The following ARHGEF4 variants were observed in gnomAD, a reference collection of about 807,000 sequenced individuals.
ARHGEF4 encodes the protein APC-stimulated guanine nucleotide exchange factor 1.
ARHGEF4 carries 119 observed loss-of-function variants against 162.0 expected under a neutral mutation model. That is an observed-to-expected ratio of 0.73 (90% confidence interval 0.63 to 0.86). ARHGEF4 has a LOEUF of 0.86. ARHGEF4 is among the 40% of genes least tolerant of loss of function. The pLI is 0.00. For synonymous variants in ARHGEF4, 1,014 were observed against 979.9 expected (o/e 1.03, Z -0.65); for missense variants, 2,488 against 2,456.0 (o/e 1.01, Z -0.28).
chr2:130,916,356 AGGCCCTT>A lies in ARHGEF4; in HGVS notation c.2415_2421del (p.Ala807ArgfsTer115). The A allele has an allele frequency of 6.5e-7, 1 of 1,542,434 alleles. No homozygotes were observed. Among genetic ancestry groups the A allele is most frequent in the South Asian group, 1.2e-5 (1 of 83,716 alleles). The stretch of plus-strand genomic sequence containing the variant: ...CAAGGTGACCTCCTTCAGGAAGGGC[AGGCCCTT>A]GGCCACTGAGAGCCCAGGAGGGGTC... On this transcript the variant is annotated frameshift_variant, in exon 2 of 14. Coordinates refer to ENST00000409359, the MANE Select transcript of ARHGEF4 (RefSeq NM_001367493.1). LOFTEE classifies it high-confidence loss of function.
At position 131,044,739 on chromosome 2, in the gene ARHGEF4, G is replaced by A. The variant is rs192979843; in HGVS notation, c.5401+197G>A. ...ACCTCAATGGCAGGGTTACCTGACC[G>A]CATCCCATGATACAGTTTCGCAGAG... is the stretch of plus-strand genomic sequence containing the variant. On this transcript the variant is annotated intron_variant, in intron 12 of 13. Coordinates refer to ENST00000409359, the MANE Select transcript of ARHGEF4 (RefSeq NM_001367493.1). 1.3e-3 allele frequency among the ~76,000 whole-genome samples: 191 copies of A among 152,380 alleles called. 1 individual carries two copies. The highest frequency in any genetic ancestry group is 4.1e-3 in the African/African-American group (171 of 41,596).
chr2:130,878,726 A>G (rs919900466), intron 1 of ARHGEF4, among the ~76,000 whole-genome samples: 2 of 152,190 alleles, frequency 1.3e-5, no homozygotes, highest in Non-Finnish European at 1.5e-5. Flanking sequence ...TGCATTTTCA[A>G]TCGAATTAAA....
intron 1 of ARHGEF4, among the ~76,000 whole-genome samples, chr2:130,864,151 T>A (rs788194): frequency 0.085 from 12,594 of 148,536 alleles, 995 homozygotes; most frequent in African/African-American, 0.2. Context: ...GCACCACTGC[T>A]CTCCAGCCTG....
intron 4 of ARHGEF4, among the ~76,000 whole-genome samples, chr2:131,015,248 T>C (rs1688702903): frequency 6.6e-6 from 1 of 152,110 alleles, no homozygotes; most frequent in African/African-American, 2.4e-5. Context: ...TGGCTCAGGG[T>C]TTCTGTTGCC....
chr2:130,851,132 G>A (rs1484213458), intron 1 of ARHGEF4, among the ~76,000 whole-genome samples: 3 of 152,400 alleles, frequency 2.0e-5, no homozygotes, highest in Non-Finnish European at 2.9e-5. Context: ...CGTCCTGACC[G>A]CTGTGGAGCG....
At chr2:130,966,904 G>A (rs752292806) in intron 4 of ARHGEF4, among the ~76,000 whole-genome samples, 4 of 152,216 alleles carry the variant, frequency 2.6e-5, no homozygotes, top group Non-Finnish European at 4.4e-5. Context: ...TGCACATTGT[G>A]TTTCTGTTTG....
intron 4 of ARHGEF4, among the ~76,000 whole-genome samples, chr2:131,014,637 C>A (rs928893671): frequency 2.6e-5 from 4 of 152,230 alleles, no homozygotes; most frequent in Admixed American, 1.3e-4. Context: ...GTAATTTGAT[C>A]TGTAAATAGC....
At chr2:130,993,465 C>T (rs2105290416) in intron 4 of ARHGEF4, among the ~76,000 whole-genome samples, 1 of 152,102 alleles carries the variant, frequency 6.6e-6, no homozygotes, top group East Asian at 1.9e-4. Flanking sequence ...TTGTTGGGTG[C>T]AGAATTTCAT....
chr2:131,041,944 G>T lies in ARHGEF4; in HGVS notation c.5025G>T (p.Glu1675Asp). ...GGCAGAGCTCCATAGAGGACTGGGA[G>T]GTGAGGGCCTGGGGGCACAGAAAAT... ...AQWQSSIEDW[E>D]GEDLLVRSSE... Residue 1675 changes from glutamate (E) to aspartate (D), a missense_variant and splice_region_variant, in exon 10 of 14, where the codon GAG (glutamate) becomes GAT (aspartate). This residue lies in a region of ARHGEF4 where 415 missense variants were observed against 512.4 expected (regional missense o/e 0.81). Coordinates refer to ENST00000409359, the MANE Select transcript of ARHGEF4 (RefSeq NM_001367493.1). 5 of 1,612,586 alleles carry T rather than the reference G, an allele frequency of 3.1e-6. No homozygotes were observed. Among genetic ancestry groups the T allele is most frequent in the Non-Finnish European group, 4.2e-6 (5 of 1,179,464 alleles).
Position 131,044,286 on chromosome 2 carries a change from C to G in ARHGEF4, c.5158-13C>G. 4.3e-6 allele frequency: 7 copies of G among 1,610,306 alleles called. No homozygotes were observed. The highest frequency in any genetic ancestry group is 5.9e-6 in the Non-Finnish European group (7 of 1,179,024). ...GCGGTTCAGCAGCCAGGGCTGAGGC[C>G]AGCATCTGGCAGGACCTGCTCCGCC... On this transcript the variant is annotated splice_polypyrimidine_tract_variant and intron_variant, in intron 11 of 13. Coordinates refer to ENST00000409359, the MANE Select transcript of ARHGEF4 (RefSeq NM_001367493.1).
At chr2:131,039,932 G>A in intron 6 of ARHGEF4, 84 bp from the exon 7 acceptor site, 1 of 1,500,056 alleles carries the variant, frequency 6.7e-7, no homozygotes, top group Non-Finnish European at 8.8e-7. Flanking sequence ...GGCCTCCGAG[G>A]CCCGGTTCCC....
chr2:130,910,609 C>T (rs1681116693), intron 1 of ARHGEF4, among the ~76,000 whole-genome samples: 1 of 152,184 alleles, frequency 6.6e-6, no homozygotes, highest in African/African-American at 2.4e-5. Context: ...AGTAAGACTT[C>T]CGAGGATTTA....
chr2:130,962,500 T>C (rs536080811), intron 4 of ARHGEF4, among the ~76,000 whole-genome samples: 3 of 152,242 alleles, frequency 2.0e-5, no homozygotes, highest in Admixed American at 1.3e-4. Context: ...AATCATATAC[T>C]CATGATAGAC....
chr2:130,874,197 T>C (rs192098046), intron 1 of ARHGEF4, among the ~76,000 whole-genome samples: 170 of 152,334 alleles, frequency 1.1e-3, no homozygotes, highest in African/African-American at 3.9e-3. Flanking sequence ...CCTGCAGATG[T>C]TTGGTGGTTC....
At chr2:131,037,726 C>G (rs1175477650) in intron 5 of ARHGEF4, among the ~76,000 whole-genome samples, 1 of 152,226 alleles carries the variant, frequency 6.6e-6, no homozygotes, top group East Asian at 1.9e-4. Context: ...CAAGGGCTGC[C>G]TGGGAGAGGC....
chr2:131,037,201 G>A (rs1324931212), intron 5 of ARHGEF4, among the ~76,000 whole-genome samples: 2 of 152,216 alleles, frequency 1.3e-5, no homozygotes, highest in Non-Finnish European at 2.9e-5. Context: ...GTGTCACTCT[G>A]AGGAGAGCGT....
chr2:130,864,478 A>G (rs1682123241), intron 1 of ARHGEF4, among the ~76,000 whole-genome samples: 1 of 151,790 alleles, frequency 6.6e-6, no homozygotes, highest in East Asian at 2.0e-4. Flanking sequence ...TAATCCCAGC[A>G]CTTTGGGAGG....
chr2:131,029,673 C>G (rs2105372415), intron 5 of ARHGEF4, among the ~76,000 whole-genome samples: 1 of 152,054 alleles, frequency 6.6e-6, no homozygotes, highest in Non-Finnish European at 1.5e-5. Flanking sequence ...CCTGCCTCAG[C>G]CTCCCAAGTA....
At chr2:130,871,571 A>G (rs760937501) in intron 1 of ARHGEF4, among the ~76,000 whole-genome samples, 7 of 139,390 alleles carry the variant, frequency 5.0e-5, no homozygotes, top group Non-Finnish European at 7.5e-5. Context: ...ATATATACAC[A>G]TATATACATA....
Sources: gnomAD v4.1 joint callset for allele counts (sites outside exome capture counted in the v4.1 genomes callset) on GRCh38, gnomAD v4.1.1 for gene constraint, gnomAD v4.1.1 regional missense constraint, MANE v1.5 for transcripts, NCBI Gene and HGNC (gene_info 2026-07-23, HGNC 2026-07-21) for gene names.